PARPBP: variants seen among roughly 807,000 people sequenced by gnomAD.
The protein encoded by PARPBP is PARP1 binding protein, also known as PCNA-interacting partner.
Under a neutral mutation model 50.0 loss-of-function variants are expected in PARPBP, and 52 were observed. The observed-to-expected ratio is 1.04, with a 90% CI of 0.83 to 1.31. The LOEUF is 1.31. Ranked by LOEUF, PARPBP falls within the 50% of genes most tolerant of loss-of-function variation. PARPBP has a pLI of 0.00. For missense variants in PARPBP, 697 were observed against 672.0 expected, an observed-to-expected ratio of 1.04 and a Z score of -0.41; for synonymous variants, 244 against 232.1, an observed-to-expected ratio of 1.05 and a Z score of -0.47.
chr12:102,149,789 G>A (rs1231348461), intron 3 of PARPBP, among the ~76,000 whole-genome samples: 7 of 152,070 alleles, frequency 4.6e-5, no homozygotes, highest in Non-Finnish European at 8.8e-5. Context: ...AAACATATCC[G>A]CACACATGTA....
At chr12:102,158,569 T>G (rs1887217073) in intron 4 of PARPBP, among the ~76,000 whole-genome samples, 1 of 152,192 alleles carries the variant, frequency 6.6e-6, no homozygotes, top group Non-Finnish European at 1.5e-5. Flanking sequence ...CCTGGTTCCT[T>G]TTAGAGATTT....
At chr12:102,187,124 T>C (rs780639532) in intron 9 of PARPBP, among the ~76,000 whole-genome samples, 1 of 152,118 alleles carries the variant, frequency 6.6e-6, no homozygotes, top group Non-Finnish European at 1.5e-5. Context: ...TAATAAAAAC[T>C]AATAAAAATA....
At chr12:102,140,396 A>C (rs984905269) in intron 2 of PARPBP, among the ~76,000 whole-genome samples, 1 of 152,082 alleles carries the variant, frequency 6.6e-6, no homozygotes, top group Non-Finnish European at 1.5e-5. Context: ...TAGTCTTACT[A>C]GTGGTCCATC....
intron 2 of PARPBP, among the ~76,000 whole-genome samples, chr12:102,137,549 C>T (rs1365903450): frequency 1.3e-5 from 2 of 151,390 alleles, no homozygotes; most frequent in Admixed American, 1.3e-4. Context: ...TATATGTGCA[C>T]AACGTGCAGG....
chr12:102,126,736 A>G (rs1424443241), intron 2 of PARPBP, among the ~76,000 whole-genome samples: 1 of 152,204 alleles, frequency 6.6e-6, no homozygotes, highest in African/African-American at 2.4e-5. Context: ...GCAGTGAGGC[A>G]CTGCACTCCA....
At chr12:102,180,562 G>T (rs374701988) in intron 8 of PARPBP, among the ~76,000 whole-genome samples, 2 of 152,258 alleles carry the variant, frequency 1.3e-5, no homozygotes, top group Non-Finnish European at 2.9e-5. Context: ...GAATTACCCA[G>T]TGTGGTGGTG....
rs950511112 is a variant in PARPBP, at chr12:102,164,042, A to G, written c.496-396A>G. Among the ~76,000 whole-genome samples, 6 of 152,254 alleles carry G rather than the reference A, an allele frequency of 3.9e-5. No individual in the cohort carries two copies. In the East Asian group the frequency reaches 5.8e-4, roughly 15 times the overall value. On this transcript the variant is annotated intron_variant, in intron 4 of 10. Transcript: ENST00000327680. ...CTGGATATTATAGGTAATATTTTAT[A>G]ACAACTCTGGATTCCTCTATGTTCT...
chr12:102,172,670 A>G (rs1888869395), intron 6 of PARPBP, among the ~76,000 whole-genome samples: 1 of 152,230 alleles, frequency 6.6e-6, no homozygotes, highest in Admixed American at 6.5e-5. Flanking sequence ...CCAGTGAATT[A>G]CATCATCTTT....
Position 102,124,021 on chromosome 12 carries a change from A to G in PARPBP, c.133A>G (p.Met45Val), listed in dbSNP as rs749745507. The G allele has an allele frequency of 6.7e-5, 103 of 1,535,186 alleles. No individual in the cohort carries two copies. Among genetic ancestry groups the G allele is most frequent in the Non-Finnish European group, 8.6e-5 (99 of 1,146,356 alleles). ...CATGCTCTTGGCATTGCAGCTTTCT[A>G]TGGCGGAGAACAACAAACAGGTTGG... is the stretch of plus-strand genomic sequence containing the variant. Reference protein sequence around the residue: ...DSMLLALQLSMAENNKQHSGE... With the variant: ...DSMLLALQLSVAENNKQHSGE... The change falls in exon 2 of 11, where the codon ATG becomes GTG. Residue 45 changes from methionine to valine, a missense_variant. Met to Val is a conservative substitution (Grantham distance 21). Transcript: ENST00000327680.
chr12:102,141,525 A>G (rs1884596910), intron 2 of PARPBP, among the ~76,000 whole-genome samples: 1 of 152,200 alleles, frequency 6.6e-6, no homozygotes, highest in African/African-American at 2.4e-5. Context: ...TGATCCTGTC[A>G]TTATGATGTT....
Position 102,154,491 on chromosome 12 carries a change from C to G in PARPBP, c.495+515C>G, listed in dbSNP as rs113961572. On this transcript the variant is annotated intron_variant, in intron 4 of 10. Coordinates refer to ENST00000327680, the MANE Select transcript of PARPBP (RefSeq NM_017915.5). ...TGGGTACCTAAACATATATGGTAAC[C>G]CCACTAACCATAGTAGTAGTACTTA... is the stretch of plus-strand genomic sequence containing the variant. Among the ~76,000 whole-genome samples the G allele has an allele frequency of 5.3e-3, 809 of 152,100 alleles. 3 individuals are homozygous for G. The highest frequency in any genetic ancestry group is 0.017 in the African/African-American group (708 of 41,488).
rs558997557 is a variant in PARPBP at position 102,187,486 on chromosome 12, G to C, written c.1263+4859G>C. 2.1e-3 allele frequency among the ~76,000 whole-genome samples: 318 copies of C among 152,140 alleles called. 1 individual carries two copies. The highest frequency in any genetic ancestry group is 3.5e-3 in the Admixed American group (54 of 15,274). On this transcript the variant is annotated intron_variant, in intron 9 of 10. Coordinates refer to ENST00000327680, the MANE Select transcript of PARPBP (RefSeq NM_017915.5). ...GGCTCTAGTTCTATCTACTGAATTG[G>C]GGAAATTATCCAAATGCTTTCCTTC...
intron 4 of PARPBP, chr12:102,154,895 G>T (rs990612451): frequency 2.3e-6 from 1 of 443,498 alleles, no homozygotes; most frequent in African/African-American, 2.0e-5. Flanking sequence ...GCCATCTATT[G>T]TTTCTAAGGG....
chr12:102,195,606 C>T (rs1170212434), intron 10 of PARPBP, among the ~76,000 whole-genome samples, 159 bp downstream of exon 10: 2 of 151,602 alleles, frequency 1.3e-5, no homozygotes, highest in Non-Finnish European at 3.0e-5. Flanking sequence ...AATCTAAGTA[C>T]AAATTTATCG....
At chr12:102,151,713 G>C in intron 3 of PARPBP, 2 of 1,535,674 alleles carry the variant, frequency 1.3e-6, no homozygotes, top group Non-Finnish European at 1.7e-6. Context: ...CATGGAGCTG[G>C]TCCCTAAACT....
At chr12:102,121,788 C>T (rs1396809352) in intron 1 of PARPBP, among the ~76,000 whole-genome samples, 1 of 152,078 alleles carries the variant, frequency 6.6e-6, no homozygotes, top group African/African-American at 2.4e-5. Context: ...AGGTGAGCCT[C>T]GGCTTCCCAA....
chr12:102,141,090 G>A (rs1214209704), intron 2 of PARPBP, among the ~76,000 whole-genome samples: 1 of 152,160 alleles, frequency 6.6e-6, no homozygotes, highest in Non-Finnish European at 1.5e-5. Flanking sequence ...GGGTGTTAAA[G>A]TCTCCCATTA....
intron 8 of PARPBP, among the ~76,000 whole-genome samples, chr12:102,182,092 G>T (rs1358507948): frequency 6.6e-6 from 1 of 152,162 alleles, no homozygotes; most frequent in Non-Finnish European, 1.5e-5. Context: ...ACAATTGTGT[G>T]AAAGCTGTAC....
intron 3 of PARPBP, chr12:102,151,431 A>C (rs1886186728): frequency 1.6e-6 from 1 of 630,578 alleles, no homozygotes; most frequent in Non-Finnish European, 2.7e-6. Flanking sequence ...AAAGCTCATA[A>C]AATGTAGCAC....
Sources: allele counts gnomAD v4.1 joint callset (sites outside exome capture counted in the v4.1 genomes callset), GRCh38; gene constraint gnomAD v4.1.1; transcripts MANE v1.5; gene names NCBI Gene and HGNC (gene_info 2026-07-23, HGNC 2026-07-21).